The following ZNF521 variants were observed in gnomAD, a reference collection of about 807,000 sequenced individuals.
The protein encoded by ZNF521 is zinc finger protein 521.
ZNF521 carries 14 observed loss-of-function variants against 105.5 expected under a neutral mutation model. The ratio of observed to expected loss-of-function variants is 0.13; its 90% confidence interval spans 0.09 to 0.21. ZNF521 has a LOEUF of 0.21. Ranked by LOEUF, ZNF521 falls within the 10% of genes least tolerant of loss-of-function variation. The probability of loss-of-function intolerance (pLI) is 1.00; values close to 1 mark genes in which losing one functional copy is unlikely to be tolerated. For synonymous variants in ZNF521, 635 were observed against 606.0 expected, an observed-to-expected ratio of 1.05 and a Z score of -0.70; for missense variants, 1,233 against 1,629.7, an observed-to-expected ratio of 0.76 and a Z score of 4.19.
intron 5 of ZNF521, among the ~76,000 whole-genome samples, chr18:25,161,698 G>A (rs941900871): frequency 1.3e-5 from 2 of 152,142 alleles, no homozygotes; most frequent in Admixed American, 6.5e-5. Flanking sequence ...ACACTGATGC[G>A]TTAACTTTTA....
At chr18:25,213,817 T>C (rs1568013057) in intron 4 of ZNF521, among the ~76,000 whole-genome samples, 1 of 152,158 alleles carries the variant, frequency 6.6e-6, no homozygotes, top group Non-Finnish European at 1.5e-5. Context: ...TGAATCACTA[T>C]ACTTCTCTTT....
At chr18:25,332,290 T>A (rs1449739747) in intron 2 of ZNF521, among the ~76,000 whole-genome samples, 18 of 137,416 alleles carry the variant, frequency 1.3e-4, no homozygotes, top group Non-Finnish European at 2.5e-4. Context: ...AGAGAAATTT[T>A]AAAAAAAGAA....
chr18:25,062,827 CAGACCA>C, intron 7 of ZNF521, 86 bp from the exon 8 acceptor site: 1 of 1,250,322 alleles, frequency 8.0e-7, no homozygotes, highest in Non-Finnish European at 1.1e-6. Flanking sequence ...TCATTTTCAT[CAGACCA>C]AGCATATATA....
intron 5 of ZNF521, among the ~76,000 whole-genome samples, chr18:25,185,667 C>T (rs2035708421): frequency 6.6e-6 from 1 of 152,120 alleles, no homozygotes; most frequent in South Asian, 2.1e-4. Flanking sequence ...AGAAGCAGTG[C>T]ATCCCACCCT....
intron 3 of ZNF521, among the ~76,000 whole-genome samples, chr18:25,245,264 CTA>C (rs1266097822): frequency 1.5e-4 from 23 of 152,268 alleles, no homozygotes; most frequent in Non-Finnish European, 2.5e-4. Context: ...TATTAATAAA[CTA>C]TGTTTTAGGT....
At chr18:25,207,199 C>T (rs2036096717) in intron 4 of ZNF521, among the ~76,000 whole-genome samples, 1 of 152,162 alleles carries the variant, frequency 6.6e-6, no homozygotes, top group Non-Finnish European at 1.5e-5. Context: ...AATTTCCTCA[C>T]AGACAATGAA....
Position 25,222,927 on chromosome 18 carries a change from AT to A in ZNF521, c.3573+1417del, listed in dbSNP as rs563512243. 1.4e-4 allele frequency among the ~76,000 whole-genome samples: 22 copies of A among 152,280 alleles called. No homozygotes were observed. In the South Asian group the frequency reaches 4.1e-3, roughly 29 times the overall value. ...ACTTTCTTTCATGTGGCTGAAGTTG[AT>A]TTTAAAAAGGGGTGCAGAGAGAGAG... is the stretch of plus-strand genomic sequence containing the variant. On this transcript the variant is annotated intron_variant, in intron 4 of 7. Coordinates refer to ENST00000361524, the MANE Select transcript of ZNF521 (RefSeq NM_015461.3).
chr18:25,338,646 A>T lies in ZNF521; in HGVS notation c.40+12261T>A, dbSNP rs1360061695. Among the ~76,000 whole-genome samples, 4 of 152,166 alleles carry T rather than the reference A, an allele frequency of 2.6e-5. No homozygotes were observed. In the South Asian group the frequency reaches 8.3e-4, roughly 32 times the overall value. On this transcript the variant is annotated intron_variant, in intron 2 of 7. Transcript: ENST00000361524. ...AGGCCTGTCTCGAACTCCTGAGCTCAGGCGATCCCCCCGCCTCAGTCTCCC... is the reference window on the plus strand; with the variant it reads ...AGGCCTGTCTCGAACTCCTGAGCTCTGGCGATCCCCCCGCCTCAGTCTCCC...
intron 3 of ZNF521, among the ~76,000 whole-genome samples, chr18:25,251,381 C>A (rs1444139271): frequency 6.6e-6 from 1 of 152,128 alleles, no homozygotes; most frequent in African/African-American, 2.4e-5. Flanking sequence ...TCTCCTTAAA[C>A]CCAGGATTTA....
chr18:25,273,806 A>C (rs952371819), intron 3 of ZNF521, among the ~76,000 whole-genome samples: 2 of 152,210 alleles, frequency 1.3e-5, no homozygotes, highest in Non-Finnish European at 2.9e-5. Context: ...CATCTTGTAC[A>C]GGCCTTATTA....
At chr18:25,342,893 A>C (rs1318103205) in intron 2 of ZNF521, among the ~76,000 whole-genome samples, 1 of 152,230 alleles carries the variant, frequency 6.6e-6, no homozygotes, top group East Asian at 1.9e-4. Context: ...ACTGGACCTA[A>C]TCTGGCTCTA....
chr18:25,087,379 C>T (rs535636250), intron 7 of ZNF521, among the ~76,000 whole-genome samples: 3 of 152,264 alleles, frequency 2.0e-5, no homozygotes, highest in South Asian at 4.1e-4. Context: ...CAGAGGCCAC[C>T]GCTGCCACAG....
At chr18:25,328,811 C>T (rs1002507480) in intron 2 of ZNF521, among the ~76,000 whole-genome samples, 32 of 152,280 alleles carry the variant, frequency 2.1e-4, no homozygotes, top group African/African-American at 7.5e-4. Flanking sequence ...CTCAGCCTCC[C>T]AAAGTGCTGG....
rs5823467 is a variant in ZNF521, at chr18:25,121,111, A to ATTTTT, written c.3659-29035_3659-29031dup. On this transcript the variant is annotated intron_variant, in intron 5 of 7. Coordinates refer to ENST00000361524, the MANE Select transcript of ZNF521 (RefSeq NM_015461.3). Reference sequence around the variant, plus strand: ...AATAGAGTGAAAGGGAAGAAGGAGTATTTTTTTTTTTTTTTTTTGAGACAG... The same window carrying ATTTTT: ...AATAGAGTGAAAGGGAAGAAGGAGTATTTTTTTTTTTTTTTTTTTTTTTGAGACAG... 6.2e-4 allele frequency among the ~76,000 whole-genome samples: 73 copies of ATTTTT among 118,648 alleles called. 3 individuals carry two copies. Among genetic ancestry groups the ATTTTT allele is most frequent in the East Asian group, 9.9e-4 (4 of 4,044 alleles). The allele number at this position is 118,648 out of a possible 152,430, so 77.8% of individuals were successfully genotyped here.
chr18:25,144,256 A>G (rs2034903205), intron 5 of ZNF521, among the ~76,000 whole-genome samples: 1 of 152,146 alleles, frequency 6.6e-6, no homozygotes, highest in Non-Finnish European at 1.5e-5. Flanking sequence ...AAAAGAGACA[A>G]AAGACATTTT....
chr18:25,335,490 G>A (rs1455297017), intron 2 of ZNF521, among the ~76,000 whole-genome samples: 4 of 152,064 alleles, frequency 2.6e-5, no homozygotes, highest in South Asian at 2.1e-4. Context: ...ACTAGCACCC[G>A]CACCCAATAC....
intron 5 of ZNF521, among the ~76,000 whole-genome samples, chr18:25,172,440 T>G (rs984231284): frequency 6.6e-6 from 1 of 152,226 alleles, no homozygotes; most frequent in African/African-American, 2.4e-5. Flanking sequence ...ATGACCTCTA[T>G]GCTTTCAAAT....
intron 3 of ZNF521, among the ~76,000 whole-genome samples, chr18:25,271,371 C>T (rs1224945211): frequency 6.6e-6 from 1 of 152,106 alleles, no homozygotes; most frequent in Non-Finnish European, 1.5e-5. Flanking sequence ...CAATGCTATC[C>T]TCATCAAGGT....
intron 7 of ZNF521, among the ~76,000 whole-genome samples, chr18:25,081,782 T>C (rs2033501186): frequency 1.3e-5 from 2 of 152,206 alleles, no homozygotes; most frequent in Non-Finnish European, 2.9e-5. Flanking sequence ...ATGAATGCTA[T>C]ACAACTGCAA....
Sources: gnomAD v4.1 joint callset for allele counts (sites outside exome capture counted in the v4.1 genomes callset) on GRCh38, gnomAD v4.1.1 for gene constraint, MANE v1.5 for transcripts, NCBI Gene and HGNC (gene_info 2026-07-23, HGNC 2026-07-21) for gene names.